ST3GAL4: variants seen among roughly 807,000 people sequenced by gnomAD.
ST3GAL4 encodes CMP-N-acetylneuraminate-beta-galactosamide-alpha-2,3-sialyltransferase 4.
ST3GAL4 carries 24 observed loss-of-function variants against 42.6 expected under a neutral mutation model. The ratio of observed to expected loss-of-function variants is 0.56; its 90% CI spans 0.41 to 0.79. ST3GAL4 has a LOEUF of 0.79. Ranked by LOEUF, ST3GAL4 falls within the 30% of genes least tolerant of loss-of-function variation. ST3GAL4 has a pLI of 0.00. For synonymous variants in ST3GAL4, 135 were observed against 163.2 expected (o/e 0.83, Z 1.32); for missense variants, 311 against 430.8 (o/e 0.72, Z 2.46).
rs551443393 is a variant in ST3GAL4, at chr11:126,371,163, C to CTTTTTTTTTTTT, written c.-61+15329_-61+15340dup. Reference sequence around the variant, plus strand: ...ATCTATTCTATTCTTCCCCACATTCCTTTTTTTTTTTTTTTTTTTGAGATG... The same window carrying CTTTTTTTTTTTT: ...ATCTATTCTATTCTTCCCCACATTCCTTTTTTTTTTTTTTTTTTTTTTTTTTTTTTTGAGATG... On this transcript the variant is annotated intron_variant, in intron 1 of 10. Transcript: ENST00000444328. Among the ~76,000 whole-genome samples the CTTTTTTTTTTTT allele has an allele frequency of 3.3e-3, 200 of 59,960 alleles. 39 individuals are homozygous for CTTTTTTTTTTTT. Among genetic ancestry groups the CTTTTTTTTTTTT allele is most frequent in the African/African-American group, 7.6e-3 (108 of 14,164 alleles). 39.3% of individuals were successfully genotyped at this position (59,960 alleles called of 152,430 possible).
At chr11:126,356,324 C>A (rs1417835038) in intron 1 of ST3GAL4, 1 of 152,638 alleles carries the variant, frequency 6.6e-6, no homozygotes, top group Non-Finnish European at 1.5e-5. Flanking sequence ...AGTGGGAGGC[C>A]GGCTGTGCCC....
chr11:126,387,484 C>A (rs1953273026), intron 1 of ST3GAL4, among the ~76,000 whole-genome samples: 1 of 151,992 alleles, frequency 6.6e-6, no homozygotes, highest in Admixed American at 6.6e-5. Context: ...TTGAGACCAG[C>A]CTGTTCAACG....
At chr11:126,372,328 A>G (rs1299063227) in intron 1 of ST3GAL4, among the ~76,000 whole-genome samples, 4 of 152,068 alleles carry the variant, frequency 2.6e-5, no homozygotes, top group Non-Finnish European at 5.9e-5. Context: ...GTCCTTTTGT[A>G]ACTGGCTTAT....
Position 126,380,847 on chromosome 11 carries a change from G to A in ST3GAL4, c.-61+25005G>A, listed in dbSNP as rs943911833. On this transcript the variant is annotated intron_variant, in intron 1 of 10. Coordinates refer to ENST00000444328, the MANE Select transcript of ST3GAL4 (RefSeq NM_001254757.2). ...CTCTCCAGAGCTCTTTGACCCAGAGGAATCTGCAGGAATGGAGGGAGTTGG... is the reference window on the plus strand; with the variant it reads ...CTCTCCAGAGCTCTTTGACCCAGAGAAATCTGCAGGAATGGAGGGAGTTGG... Among the ~76,000 whole-genome samples the A allele has an allele frequency of 8.5e-5, 13 of 152,330 alleles. 1 individual carries two copies. The highest frequency in any genetic ancestry group is 1.9e-4 in the Non-Finnish European group (13 of 68,040).
intron 1 of ST3GAL4, among the ~76,000 whole-genome samples, chr11:126,367,316 C>T (rs553335185): frequency 6.6e-6 from 1 of 152,276 alleles, no homozygotes; most frequent in African/African-American, 2.4e-5. Flanking sequence ...GAATCTGAGT[C>T]GAGGGCAGGG....
rs531704371 is a variant in ST3GAL4, at chr11:126,376,354, G to A, written c.-61+20512G>A. 2.0e-5 allele frequency among the ~76,000 whole-genome samples: 3 copies of A among 152,358 alleles called. No homozygotes were observed. In the South Asian group the frequency reaches 6.2e-4, roughly 32 times the overall value. Reference sequence around the variant, plus strand: ...TGAATTGGGAAACAGAAAACCGAAAGAGGTTTAGTGGCCCAATGACAGTTT... The same window carrying A: ...TGAATTGGGAAACAGAAAACCGAAAAAGGTTTAGTGGCCCAATGACAGTTT... On this transcript the variant is annotated intron_variant, in intron 1 of 10. Transcript: ENST00000444328. The surrounding 1 kb of genome is among the most constrained non-coding windows in gnomAD (Gnocchi z 5.1).
intron 1 of ST3GAL4, among the ~76,000 whole-genome samples, chr11:126,360,189 A>G (rs1224112114): frequency 6.6e-6 from 1 of 152,090 alleles, no homozygotes; most frequent in Non-Finnish European, 1.5e-5. Context: ...GGCAGGAGAG[A>G]ATTAGGGGCC....
chr11:126,388,660 G>GT (rs10599019), intron 1 of ST3GAL4, among the ~76,000 whole-genome samples: 1,103 of 79,228 alleles, frequency 0.014, 28 homozygotes, highest in African/African-American at 0.032. Flanking sequence ...TAGGTTTCTT[G>GT]TTTTTTTTTT....
At chr11:126,357,540 G>A in intron 1 of ST3GAL4, among the ~76,000 whole-genome samples, 1 of 152,126 alleles carries the variant, frequency 6.6e-6, no homozygotes, top group Non-Finnish European at 1.5e-5. Flanking sequence ...GCAGTGACTG[G>A]CCCTCTGCTT....
intron 5 of ST3GAL4, 66 bp from the exon 6 acceptor site, chr11:126,407,508 G>A: frequency 6.3e-7 from 1 of 1,597,182 alleles, no homozygotes; most frequent in Non-Finnish European, 8.6e-7. Flanking sequence ...GAGCAGTGGA[G>A]GGAGGGCAGG....
At position 126,413,611 on chromosome 11, in the gene ST3GAL4, T is replaced by C; in HGVS notation, c.878T>C (p.Ile293Thr). ...GACGCCTACAACAAGAAGCAGACCA[T>C]TCACTACTATGAGCAGATCACGCTC... ...YPDAYNKKQTIHYYEQITLKS... is the reference protein window; with the variant it reads ...YPDAYNKKQTTHYYEQITLKS... Residue 293 changes from isoleucine (I) to threonine (T), a missense_variant, in exon 10 of 11, where the codon ATT (isoleucine) becomes ACT (threonine). Ile to Thr is a moderately conservative substitution (Grantham distance 89, BLOSUM62 -1). Transcript: ENST00000444328. 6.2e-7 allele frequency: 1 copy of C among 1,614,254 alleles called. No homozygotes were observed. Among genetic ancestry groups the C allele is most frequent in the Non-Finnish European group, 8.5e-7 (1 of 1,180,052 alleles).
At chr11:126,361,676 A>G (rs1210156922) in intron 1 of ST3GAL4, among the ~76,000 whole-genome samples, 1 of 151,820 alleles carries the variant, frequency 6.6e-6, no homozygotes, top group African/African-American at 2.4e-5. Flanking sequence ...TGCTGGGGTG[A>G]CCCCAGCATG....
chr11:126,371,162 C>CATTTTTTTTTTTTTT (rs1565397186), intron 1 of ST3GAL4, among the ~76,000 whole-genome samples: 1 of 29,120 alleles, frequency 3.4e-5, no homozygotes, highest in African/African-American at 1.8e-4. Context: ...TCCCCACATT[C>CATTTTTTTTTTTTTT]CTTTTTTTTT....
In ST3GAL4 at chr11:126,408,499, A is replaced by G. The variant is rs1399349562; in HGVS notation, c.627+3A>G. Reference sequence around the variant, plus strand: ...CCATCCTGAGTGATAAGAAGCGGGTAAGTTGGGGGACAGACTGGGGGCTGA... The same window carrying G: ...CCATCCTGAGTGATAAGAAGCGGGTGAGTTGGGGGACAGACTGGGGGCTGA... On this transcript the variant is annotated splice_donor_region_variant and intron_variant, in intron 8 of 10. Coordinates refer to ENST00000444328, the MANE Select transcript of ST3GAL4 (RefSeq NM_001254757.2). The G allele has an allele frequency of 1.9e-6, 3 of 1,614,036 alleles. No homozygotes were observed. The highest frequency in any genetic ancestry group is 1.7e-6 in the Non-Finnish European group (2 of 1,179,998).
intron 1 of ST3GAL4, among the ~76,000 whole-genome samples, chr11:126,389,204 A>G (rs575538773): frequency 1.3e-5 from 2 of 152,282 alleles, no homozygotes; most frequent in African/African-American, 2.4e-5. Flanking sequence ...TAGCTTCTCA[A>G]TTTATATTTC....
intron 1 of ST3GAL4, among the ~76,000 whole-genome samples, chr11:126,394,431 T>G (rs749720368): frequency 6.6e-6 from 1 of 152,174 alleles, no homozygotes; most frequent in Non-Finnish European, 1.5e-5. Context: ...ATGATTTTCT[T>G]TTTTCTTTTC....
In ST3GAL4 at chr11:126,414,082, T is replaced by C. The variant is rs1385494419; in HGVS notation, c.*35T>C. 6.2e-7 allele frequency: 1 copy of C among 1,607,628 alleles called. No individual in the cohort carries two copies. Among genetic ancestry groups the C allele is most frequent in the Non-Finnish European group, 8.5e-7 (1 of 1,174,180 alleles). On this transcript the variant is annotated 3_prime_UTR_variant, in exon 11 of 11. Coordinates refer to ENST00000444328, the MANE Select transcript of ST3GAL4 (RefSeq NM_001254757.2). ...GAGCTGTAGCCTGTCGGTTGCCTAC[T>C]CTGCTGTCTGGGTGACCCCCATGCG...
In ST3GAL4 at chr11:126,359,707, G is replaced by C. The variant is rs1952181526; in HGVS notation, c.-61+3865G>C. On this transcript the variant is annotated intron_variant, in intron 1 of 10. Coordinates refer to ENST00000444328, the MANE Select transcript of ST3GAL4 (RefSeq NM_001254757.2). This position sits in a 1 kb window ranked among gnomAD's most constrained non-coding sequence, Gnocchi z 4.8. ...TCCGCTTTCTCAGCTGGGCGGGGCG[G>C]GGCAGGACAAGGTTCTTCTCCCTCC... Among the ~76,000 whole-genome samples the C allele has an allele frequency of 1.3e-5, 2 of 149,972 alleles. No individual in the cohort carries two copies. Among genetic ancestry groups the C allele is most frequent in the Non-Finnish European group, 2.9e-5 (2 of 68,008 alleles).
At chr11:126,385,319 A>AT (rs1056766414) in intron 1 of ST3GAL4, among the ~76,000 whole-genome samples, 160 of 151,464 alleles carry the variant, frequency 1.1e-3, no homozygotes, top group Middle Eastern at 3.4e-3. Context: ...CACCCGGCTA[A>AT]TTTTTTTTAT....
Sources: gnomAD v4.1 joint callset for allele counts (sites outside exome capture counted in the v4.1 genomes callset) on GRCh38, gnomAD v4.1.1 for gene constraint, Gnocchi (gnomAD v3.1) non-coding constraint, MANE v1.5 for transcripts, NCBI Gene and HGNC (gene_info 2026-07-23, HGNC 2026-07-21) for gene names.